LINGO2: variants seen among roughly 807,000 people sequenced by gnomAD.
LINGO2 encodes leucine-rich repeat and immunoglobulin-like domain-containing nogo receptor-interacting protein 2.
A neutral mutation model predicts 30.6 loss-of-function variants in LINGO2; 14 were observed. The observed-to-expected ratio is 0.46, with a 90% confidence interval of 0.30 to 0.72. The LOEUF is 0.72. Among genes scored for constraint, LINGO2 ranks in the 30% least tolerant of loss-of-function variants. The pLI, the probability that LINGO2 is intolerant of heterozygous loss-of-function variation, is 0.07. For synonymous variants in LINGO2, 317 were observed against 288.5 expected, an observed-to-expected ratio of 1.10 and a Z score of -1.00; for missense variants, 729 against 751.7, an observed-to-expected ratio of 0.97 and a Z score of 0.35.
the LINGO2 span, among the ~76,000 whole-genome samples, chr9:28,991,112 T>C: frequency 0.26 from 39,999 of 151,952 alleles, 5,640 homozygotes; most frequent in African/African-American, 0.37. Flanking sequence ...AGTTAAAAAC[T>C]ATCACAAAAA....
At chr9:29,110,625 C>T in the LINGO2 span, among the ~76,000 whole-genome samples, 4 of 151,982 alleles carry the variant, frequency 2.6e-5, no homozygotes, top group Admixed American at 6.6e-5. Flanking sequence ...TGAGCCACCG[C>T]GCCCGGCCAC....
chr9:28,775,547 A>T, the LINGO2 span, among the ~76,000 whole-genome samples: 1 of 152,310 alleles, frequency 6.6e-6, no homozygotes, highest in African/African-American at 2.4e-5. Context: ...GAAAGAATAC[A>T]TATCTTTTTG....
chr9:28,613,191 G>C (rs1825992104), intron 1 of LINGO2, among the ~76,000 whole-genome samples: 1 of 151,956 alleles, frequency 6.6e-6, no homozygotes. Flanking sequence ...ACACAGTCTT[G>C]GGCAATGCTT....
intron 4 of LINGO2, among the ~76,000 whole-genome samples, chr9:28,042,584 G>T (rs1824242094): frequency 6.6e-6 from 1 of 152,098 alleles, no homozygotes; most frequent in East Asian, 1.9e-4. Context: ...GGATATGAAA[G>T]AAAGGTACAA....
At chr9:28,841,696 A>G in the LINGO2 span, among the ~76,000 whole-genome samples, 1 of 151,752 alleles carries the variant, frequency 6.6e-6, no homozygotes, top group African/African-American at 2.4e-5. Flanking sequence ...TAAACAGATG[A>G]ACAGAGAAGG....
intron 2 of LINGO2, among the ~76,000 whole-genome samples, chr9:28,373,595 T>C (rs1422130083): frequency 6.6e-6 from 1 of 152,120 alleles, no homozygotes; most frequent in Non-Finnish European, 1.5e-5. Flanking sequence ...AAACATCATG[T>C]TGGGATTTAA....
In LINGO2 at chr9:28,561,698, TATATATAAA is replaced by T. The variant is rs1401914751; in HGVS notation, c.-364-85682_-364-85674del. 6.5e-4 allele frequency among the ~76,000 whole-genome samples: 41 copies of T among 63,368 alleles called. 1 individual carries two copies. The highest frequency in any genetic ancestry group is 0.01 in the Middle Eastern group (1 of 98). The allele number at this position is 63,368 out of a possible 152,430, so 41.6% of individuals were successfully genotyped here. On this transcript the variant is annotated intron_variant, in intron 1 of 5. Transcript: ENST00000379992. Reference sequence around the variant, plus strand: ...ATATAAATGTATTATATATGTATAATATATATAAATTATATATAAATGTATTATATATAA... The same window carrying T: ...ATATAAATGTATTATATATGTATAATTTATATATAAATGTATTATATATAA...
At chr9:28,802,602 A>G in the LINGO2 span, among the ~76,000 whole-genome samples, 2 of 152,102 alleles carry the variant, frequency 1.3e-5, no homozygotes, top group South Asian at 4.1e-4. Context: ...TATGGAAGAA[A>G]CTATTGGCAA....
intron 4 of LINGO2, among the ~76,000 whole-genome samples, chr9:28,256,344 G>A (rs570691298): frequency 5.3e-5 from 8 of 151,722 alleles, no homozygotes; most frequent in African/African-American, 1.9e-4. Context: ...TATACACACT[G>A]CCAACTATTG....
chr9:28,458,876 A>T (rs568856846), intron 2 of LINGO2, among the ~76,000 whole-genome samples: 1 of 152,186 alleles, frequency 6.6e-6, no homozygotes, highest in African/African-American at 2.4e-5. Context: ...GAGAATAGAA[A>T]ATCTACAAAA....
chr9:28,132,974 G>C (rs1001022808), intron 4 of LINGO2, among the ~76,000 whole-genome samples: 1 of 152,212 alleles, frequency 6.6e-6, no homozygotes, highest in Non-Finnish European at 1.5e-5. Flanking sequence ...AACTCAGTGA[G>C]CTGTGGGTAA....
chr9:29,111,835 A>G, the LINGO2 span, among the ~76,000 whole-genome samples: 73 of 147,772 alleles, frequency 4.9e-4, no homozygotes, highest in African/African-American at 5.5e-4. Context: ...ATATATATAT[A>G]TGTGTGTGTA....
chr9:28,865,231 T>C, the LINGO2 span, among the ~76,000 whole-genome samples: 1 of 152,060 alleles, frequency 6.6e-6, no homozygotes, highest in Non-Finnish European at 1.5e-5. Context: ...TGAACACAAG[T>C]GAGCATCACC....
chr9:28,057,021 TAA>T (rs1371103408), intron 4 of LINGO2, among the ~76,000 whole-genome samples: 1 of 152,148 alleles, frequency 6.6e-6, no homozygotes, highest in Non-Finnish European at 1.5e-5. Context: ...ATAAAATAAC[TAA>T]AGAGTACCAA....
At chr9:28,398,638 G>T (rs1331903) in intron 2 of LINGO2, among the ~76,000 whole-genome samples, 50,352 of 151,726 alleles carry the variant, frequency 0.33, 8,594 homozygotes, top group Middle Eastern at 0.47. Flanking sequence ...ATGCTGAGAA[G>T]TAGAAACCTA....
chr9:28,847,901 A>G, the LINGO2 span, among the ~76,000 whole-genome samples: 301 of 125,308 alleles, frequency 2.4e-3, 19 homozygotes, highest in Non-Finnish European at 4.1e-3. Flanking sequence ...TATGTATAGT[A>G]TATATATACA....
the LINGO2 span, among the ~76,000 whole-genome samples, chr9:28,964,774 A>C: frequency 6.6e-6 from 1 of 151,998 alleles, no homozygotes; most frequent in Non-Finnish European, 1.5e-5. Flanking sequence ...TTTTGGTATA[A>C]TCCCTAGGCT....
the LINGO2 span, among the ~76,000 whole-genome samples, chr9:29,031,567 G>C: frequency 2.3e-4 from 35 of 152,058 alleles, no homozygotes; most frequent in Non-Finnish European, 4.6e-4. Flanking sequence ...ACAGGTGTGA[G>C]CCACCGCACC....
intron 5 of LINGO2, among the ~76,000 whole-genome samples, chr9:27,969,943 T>C (rs1478400391): frequency 6.6e-6 from 1 of 152,070 alleles, no homozygotes; most frequent in Non-Finnish European, 1.5e-5. Flanking sequence ...CTAAGCCCTA[T>C]CCCTCAATAC....
Sources: gnomAD v4.1 joint callset for allele counts (sites outside exome capture counted in the v4.1 genomes callset) on GRCh38, gnomAD v4.1.1 for gene constraint, MANE v1.5 for transcripts, NCBI Gene and HGNC (gene_info 2026-07-23, HGNC 2026-07-21) for gene names.